The following HIVEP2 variants were observed in gnomAD, a reference collection of about 807,000 sequenced individuals.
HIVEP2 encodes HIVEP zinc finger 2.
In HIVEP2, 14 loss-of-function variants were observed where a neutral mutation model predicts 180.7. The ratio of observed to expected loss-of-function variants is 0.08; its 90% CI spans 0.05 to 0.12. The LOEUF (loss-of-function observed/expected upper bound fraction) is 0.12, where lower values mean the gene tolerates loss of function less well. Among genes scored for constraint, HIVEP2 ranks in the 10% least tolerant of loss-of-function variants. The pLI is 1.00. For missense variants in HIVEP2, 2,579 were observed against 3,008.5 expected (o/e 0.86, Z 3.34); for synonymous variants, 1,184 against 1,136.4 (o/e 1.04, Z -0.84).
In HIVEP2 at chr6:142,772,797, A is replaced by T; in HGVS notation, c.1942T>A (p.Trp648Arg). The change falls in exon 5 of 10, where the codon TGG becomes AGG. Residue 648 changes from tryptophan to arginine, a missense_variant. By Grantham distance (101) the Trp-to-Arg change is moderately radical. Transcript: ENST00000367603. The surrounding 1 kb of genome is among the most constrained non-coding windows in gnomAD (Gnocchi z 4.9). ...YDVCRKPYKK[W>R]EDSETPKQNY... Reference sequence around the variant, plus strand: ...TGCTTTGGTGTTTCAGAGTCCTCCCACTTCTTATAGGGTTTCCGACAGACA... The same window carrying T: ...TGCTTTGGTGTTTCAGAGTCCTCCCTCTTCTTATAGGGTTTCCGACAGACA... 1 of 1,614,120 alleles carries T rather than the reference A, an allele frequency of 6.2e-7. No homozygotes were observed. Among genetic ancestry groups the T allele is most frequent in the Non-Finnish European group, 8.5e-7 (1 of 1,180,026 alleles).
chr6:142,832,618 A>G (rs1390745092), intron 2 of HIVEP2, among the ~76,000 whole-genome samples: 1 of 152,220 alleles, frequency 6.6e-6, no homozygotes, highest in Non-Finnish European at 1.5e-5. Context: ...TGGGTGAGAC[A>G]TCAATGTGAT....
chr6:142,839,528 C>T (rs777412200), intron 1 of HIVEP2, among the ~76,000 whole-genome samples: 13 of 152,152 alleles, frequency 8.5e-5, no homozygotes, highest in Non-Finnish European at 1.3e-4. Context: ...TCATGCTTGT[C>T]ACCAATTGGT....
chr6:142,889,368 C>T (rs567869653), intron 1 of HIVEP2, among the ~76,000 whole-genome samples: 20 of 152,074 alleles, frequency 1.3e-4, no homozygotes, highest in South Asian at 4.2e-4. Context: ...GAAGCAGAGG[C>T]GGTAAGATCA....
chr6:142,793,658 TTTTTCTTTCTTTCTTTCTCTCTC>T (rs1180447714), intron 2 of HIVEP2, among the ~76,000 whole-genome samples: 15 of 41,366 alleles, frequency 3.6e-4, no homozygotes, highest in African/African-American at 4.9e-4. Context: ...CTTTCTTTCT[TTTTTCTTTCTTTCTTTCTCTCTC>T]TCTCTCTCTC....
chr6:142,855,510 G>A (rs1429217199), intron 1 of HIVEP2, among the ~76,000 whole-genome samples: 5 of 152,158 alleles, frequency 3.3e-5, no homozygotes, highest in African/African-American at 4.8e-5. Flanking sequence ...AAAACAAAAT[G>A]GGCACAAACA....
chr6:142,771,857 G>A lies in HIVEP2; in HGVS notation c.2882C>T (p.Thr961Ile). Reference protein sequence around the residue: ...SGESSFESTGTGLSRSPSQES... With the variant: ...SGESSFESTGIGLSRSPSQES... Reference sequence around the variant, plus strand: ...TTGGCTGGGGCTGCGGGAGAGGCCTGTGCCTGTGGATTCAAAGCTGGACTC... The same window carrying A: ...TTGGCTGGGGCTGCGGGAGAGGCCTATGCCTGTGGATTCAAAGCTGGACTC... The change falls in exon 5 of 10, where the codon ACA becomes ATA. Residue 961 changes from threonine (T) to isoleucine (I), a missense_variant. By Grantham distance (89) the Thr-to-Ile change is moderately conservative. Around this residue, in one of 11 missense-constraint regions of HIVEP2, gnomAD observed 523 missense variants for 577.0 expected, o/e 0.91. Transcript: ENST00000367603. This position sits in a 1 kb window ranked among gnomAD's most constrained non-coding sequence, Gnocchi z 5.4. 6.2e-7 allele frequency: 1 copy of A among 1,614,228 alleles called. No homozygotes were observed. The highest frequency in any genetic ancestry group is 8.5e-7 in the Non-Finnish European group (1 of 1,180,054).
chr6:142,844,653 T>C (rs960371232), intron 1 of HIVEP2, among the ~76,000 whole-genome samples: 4 of 152,194 alleles, frequency 2.6e-5, no homozygotes, highest in Non-Finnish European at 5.9e-5. Flanking sequence ...GCAAAACTGC[T>C]ATTTCAAAGC....
intron 1 of HIVEP2, among the ~76,000 whole-genome samples, chr6:142,921,200 TA>T (rs1302528426): frequency 1.3e-5 from 2 of 152,140 alleles, no homozygotes; most frequent in African/African-American, 4.8e-5. Flanking sequence ...TTTTCATCTA[TA>T]AAATAAGAAG....
Position 142,773,861 on chromosome 6 carries a change from T to C in HIVEP2, c.878A>G (p.Asp293Gly), listed in dbSNP as rs770507849. The change falls in exon 5 of 10, where the codon GAC (aspartate) becomes GGC (glycine). Residue 293 changes from aspartate to glycine, a missense_variant. By Grantham distance (94) the Asp-to-Gly change is moderately conservative. Coordinates refer to ENST00000367603, the MANE Select transcript of HIVEP2 (RefSeq NM_006734.4). ...GATGGGTGGACCAGGACTCATTTTG[T>C]CAGAAGCCTCGGCAAATAAAGAACT... ...EESSLFAEAS[D>G]KMSPGPPIPL... The C allele has an allele frequency of 3.7e-6, 6 of 1,613,494 alleles. No homozygotes were observed. The South Asian group carries it at 4.4e-5, about 12-fold the overall frequency.
chr6:142,903,889 T>A (rs1276207016), intron 1 of HIVEP2, among the ~76,000 whole-genome samples: 1 of 152,014 alleles, frequency 6.6e-6, no homozygotes, highest in Non-Finnish European at 1.5e-5. Flanking sequence ...AAAAAAAAAT[T>A]CCATCTTAGT....
chr6:142,821,784 A>G (rs969685044), intron 2 of HIVEP2, among the ~76,000 whole-genome samples: 1 of 152,202 alleles, frequency 6.6e-6, no homozygotes, highest in African/African-American at 2.4e-5. Context: ...AGGTCAAGCA[A>G]TCAAGGCTAA....
At chr6:142,803,520 A>G (rs543841381) in intron 2 of HIVEP2, among the ~76,000 whole-genome samples, 5 of 151,500 alleles carry the variant, frequency 3.3e-5, no homozygotes, top group Non-Finnish European at 7.4e-5. Flanking sequence ...CATAGCTATA[A>G]CCAACACTGA....
chr6:142,764,017 G>T (rs538467874), intron 7 of HIVEP2, among the ~76,000 whole-genome samples: 1 of 151,984 alleles, frequency 6.6e-6, no homozygotes, highest in Non-Finnish European at 1.5e-5. Flanking sequence ...GTGTTGAGGG[G>T]GTGCCTATAG....
chr6:142,780,487 A>G (rs535857402), intron 3 of HIVEP2, among the ~76,000 whole-genome samples: 1 of 152,356 alleles, frequency 6.6e-6, no homozygotes, highest in South Asian at 2.1e-4. Context: ...ACTGCTATCC[A>G]TAAAATCACG....
chr6:142,845,220 A>C (rs898574441), intron 1 of HIVEP2, among the ~76,000 whole-genome samples: 14 of 152,248 alleles, frequency 9.2e-5, no homozygotes, highest in African/African-American at 3.1e-4. Flanking sequence ...GGGTTTTGCA[A>C]GAATAGAAGC....
At chr6:142,832,267 C>A (rs189401444) in intron 2 of HIVEP2, among the ~76,000 whole-genome samples, 21 of 151,124 alleles carry the variant, frequency 1.4e-4, no homozygotes, top group Admixed American at 1.3e-3. Context: ...TTTATTAAAC[C>A]CAACAAATAT....
chr6:142,933,733 A>G (rs1243231438), intron 1 of HIVEP2, among the ~76,000 whole-genome samples: 1 of 152,194 alleles, frequency 6.6e-6, no homozygotes, highest in Non-Finnish European at 1.5e-5. Flanking sequence ...TTCCACACTC[A>G]GTGTCTAATT....
chr6:142,815,210 T>C (rs891095906), intron 2 of HIVEP2, among the ~76,000 whole-genome samples: 11 of 152,184 alleles, frequency 7.2e-5, no homozygotes, highest in African/African-American at 2.7e-4. Flanking sequence ...AAGTTTCCAA[T>C]ACTTGCTCTT....
intron 2 of HIVEP2, among the ~76,000 whole-genome samples, chr6:142,791,895 T>C (rs140266114): frequency 6.6e-6 from 1 of 152,248 alleles, no homozygotes; most frequent in African/African-American, 2.4e-5. Flanking sequence ...ATAAAAGCAA[T>C]AGAGGCATGA....
Sources: gnomAD v4.1 joint callset for allele counts (sites outside exome capture counted in the v4.1 genomes callset) on GRCh38, gnomAD v4.1.1 for gene constraint, gnomAD v4.1.1 regional missense constraint, Gnocchi (gnomAD v3.1) non-coding constraint, MANE v1.5 for transcripts, NCBI Gene and HGNC (gene_info 2026-07-23, HGNC 2026-07-21) for gene names.